Variants in NOTCH2 observed in about 807,000 individuals in gnomAD.
NOTCH2 encodes notch receptor 2, also known as neurogenic locus notch homolog protein 2.
Under a neutral mutation model 235.8 loss-of-function variants are expected in NOTCH2, and 29 were observed. The observed-to-expected ratio is 0.12, with a 90% CI of 0.09 to 0.17. The LOEUF is 0.17. NOTCH2 is among the 10% of genes least tolerant of loss of function. NOTCH2 has a pLI of 1.00. For synonymous variants in NOTCH2, 1,086 were observed against 1,141.5 expected (o/e 0.95, Z 0.98); for missense variants, 2,285 against 3,150.2 (o/e 0.73, Z 6.57).
At chr1:120,065,830 A>G (rs12084158) in intron 1 of NOTCH2, among the ~76,000 whole-genome samples, 24,599 of 151,846 alleles carry the variant, frequency 0.16, 2,287 homozygotes, top group African/African-American at 0.31. Context: ...GTTCAAATTT[A>G]GGCATTCGAA....
At chr1:119,980,236 C>T (rs782015518) in intron 5 of NOTCH2, among the ~76,000 whole-genome samples, 6 of 152,208 alleles carry the variant, frequency 3.9e-5, no homozygotes, top group African/African-American at 1.4e-4. Flanking sequence ...GGTACTTCCA[C>T]TCTCTGACTA....
chr1:120,069,465 G>A lies in NOTCH2; in HGVS notation c.-59C>T, dbSNP rs1215026264. On this transcript the variant is annotated 5_prime_UTR_variant, in exon 1 of 34. Coordinates refer to ENST00000256646, the MANE Select transcript of NOTCH2 (RefSeq NM_024408.4). Reference sequence around the variant, plus strand: ...CGCCGCCTGGGCAGATCCACATGGGGAGGGGGTCCCGATAGAGGAGCCCCA... The same window carrying A: ...CGCCGCCTGGGCAGATCCACATGGGAAGGGGGTCCCGATAGAGGAGCCCCA... 4.0e-6 allele frequency: 6 copies of A among 1,511,724 alleles called. No homozygotes were observed. In the South Asian group the frequency reaches 4.8e-5, roughly 12 times the overall value. 93.6% of individuals were successfully genotyped at this position (1,511,724 alleles called of 1,614,324 possible). A position where few individuals can be genotyped will look rare whatever the true frequency, so the allele number is the denominator to read the frequency against.
At chr1:119,988,830 A>G (rs1652119162) in intron 4 of NOTCH2, among the ~76,000 whole-genome samples, 1 of 152,212 alleles carries the variant, frequency 6.6e-6, no homozygotes, top group Non-Finnish European at 1.5e-5. Flanking sequence ...CTAGGGTGTC[A>G]GGGAGGTAGC....
rs1649566553 is a variant in NOTCH2 at position 119,929,055 on chromosome 1, G to A, written c.3813C>T (p.Asn1271=). Residue 1271 remains asparagine, a synonymous_variant, in exon 23 of 34, where the codon AAC becomes AAT. Coordinates refer to ENST00000256646, the MANE Select transcript of NOTCH2 (RefSeq NM_024408.4). ...CCAGGCTGCCCTCAGAGCTGCAGGGGTTGGAGAGGCACTCGTTGATGTCTC... is the reference window on the plus strand; with the variant it reads ...CCAGGCTGCCCTCAGAGCTGCAGGGATTGGAGAGGCACTCGTTGATGTCTC... The part of the protein sequence containing the change: ...CEGDINECLS[N]PCSSEGSLDC... The A allele has an allele frequency of 1.9e-6, 3 of 1,614,144 alleles. No individual in the cohort carries two copies. The highest frequency in any genetic ancestry group is 2.5e-6 in the Non-Finnish European group (3 of 1,180,040).
intron 31 of NOTCH2, among the ~76,000 whole-genome samples, chr1:119,919,005 C>G (rs181364069): frequency 1.3e-5 from 2 of 152,146 alleles, no homozygotes; most frequent in Admixed American, 1.3e-4. Context: ...TCAAAGGCTC[C>G]GGACCAGCTA....
At chr1:119,982,395 C>T (rs2101174231) in intron 5 of NOTCH2, among the ~76,000 whole-genome samples, 1 of 152,234 alleles carries the variant, frequency 6.6e-6, no homozygotes, top group Non-Finnish European at 1.5e-5. Flanking sequence ...CAAAAGCAGC[C>T]ACAGAGAGGA....
At chr1:119,933,380 C>T (rs1350586794) in intron 22 of NOTCH2, among the ~76,000 whole-genome samples, 2 of 151,488 alleles carry the variant, frequency 1.3e-5, no homozygotes, top group Non-Finnish European at 2.9e-5. Context: ...GAAGTTAAGT[C>T]AGGATAAAAA....
intron 28 of NOTCH2, 39 bp from the exon 29 acceptor site, chr1:119,921,848 C>T (rs773712763): frequency 2.6e-6 from 4 of 1,510,396 alleles, no homozygotes; most frequent in Non-Finnish European, 2.8e-6. Context: ...GAATGGCAGT[C>T]ATAAACTAAT....
intron 22 of NOTCH2, among the ~76,000 whole-genome samples, chr1:119,930,676 G>C (rs1649621538): frequency 1.3e-5 from 2 of 152,112 alleles, no homozygotes; most frequent in South Asian, 4.2e-4. Context: ...CTACTTGGGA[G>C]GCTGAGGCAG....
intron 31 of NOTCH2, among the ~76,000 whole-genome samples, 169 bp from the exon 32 acceptor site, chr1:119,918,722 T>C (rs1649170626): frequency 6.6e-6 from 1 of 152,238 alleles, no homozygotes; most frequent in Non-Finnish European, 1.5e-5. Context: ...AATCAATAAA[T>C]ATTTGTTGCA....
At chr1:120,066,397 C>G (rs1382656987) in intron 1 of NOTCH2, among the ~76,000 whole-genome samples, 1 of 146,816 alleles carries the variant, frequency 6.8e-6, no homozygotes, top group African/African-American at 2.6e-5. Context: ...GTGCTGAGTC[C>G]AAGATCCACC....
Position 119,987,440 on chromosome 1 carries a change from A to C in NOTCH2, c.752-358T>G, listed in dbSNP as rs138563466. Among the ~76,000 whole-genome samples, 83 of 152,324 alleles carry C rather than the reference A, an allele frequency of 5.4e-4. 1 individual carries two copies. In the East Asian group the frequency reaches 0.014, roughly 26 times the overall value. ...TGGATTTTCCCCAGCTCCATACCAG[A>C]CTAATGGGAAGAACAGATAAAATAT... is the stretch of plus-strand genomic sequence containing the variant. On this transcript the variant is annotated intron_variant, in intron 4 of 33. Transcript: ENST00000256646.
At chr1:119,932,607 A>ATATCTATT (rs1553195298) in intron 22 of NOTCH2, among the ~76,000 whole-genome samples, 24 of 148,344 alleles carry the variant, frequency 1.6e-4, no homozygotes, top group African/African-American at 6.0e-4. Context: ...AAACAAACAA[A>ATATCTATT]TATCTATCTA....
intron 2 of NOTCH2, among the ~76,000 whole-genome samples, chr1:120,006,401 G>A (rs1652978102): frequency 6.7e-6 from 1 of 150,238 alleles, no homozygotes; most frequent in South Asian, 2.1e-4. Context: ...TCCACATTGA[G>A]GCACTGAGGA....
chr1:119,984,542 C>A (rs1425811634), intron 5 of NOTCH2, among the ~76,000 whole-genome samples: 1 of 152,178 alleles, frequency 6.6e-6, no homozygotes, highest in Non-Finnish European at 1.5e-5. Context: ...CCATTCACTT[C>A]TTTAATTTGT....
intron 22 of NOTCH2, among the ~76,000 whole-genome samples, chr1:119,934,961 T>C (rs978840197): frequency 2.6e-5 from 4 of 152,168 alleles, no homozygotes; most frequent in Admixed American, 6.5e-5. Context: ...CAGGGTTGCA[T>C]CTCTCATCAG....
intron 17 of NOTCH2, among the ~76,000 whole-genome samples, chr1:119,945,819 T>C (rs1426482598): frequency 1.3e-5 from 2 of 152,086 alleles, no homozygotes; most frequent in Middle Eastern, 3.2e-3. Context: ...CTCCTTATTA[T>C]ATTCTATGAA....
At chr1:120,068,913 C>A in intron 1 of NOTCH2, 1 of 812,906 alleles carries the variant, frequency 1.2e-6, no homozygotes, top group South Asian at 1.5e-5. Flanking sequence ...GCGGCCCTGC[C>A]CCCGCTCTCC....
Position 119,914,221 on chromosome 1 carries a change from A to C in NOTCH2, c.*1085T>G, listed in dbSNP as rs1261637403. The C allele has an allele frequency of 1.3e-5, 3 of 233,152 alleles. No homozygotes were observed. The highest frequency in any genetic ancestry group is 5.6e-5 in the Admixed American group (1 of 17,788). 14.4% of individuals were successfully genotyped at this position (233,152 alleles called of 1,614,324 possible). A position where few individuals can be genotyped will look rare whatever the true frequency, so the allele number is the denominator to read the frequency against. ...CTGGGTGAGTGAGTGAAACAGGCCTAGAATGCTCAGATCTGGGACAAATGT... is the reference window on the plus strand; with the variant it reads ...CTGGGTGAGTGAGTGAAACAGGCCTCGAATGCTCAGATCTGGGACAAATGT... On this transcript the variant is annotated 3_prime_UTR_variant, in exon 34 of 34. Transcript: ENST00000256646.
Sources: allele counts gnomAD v4.1 joint callset (sites outside exome capture counted in the v4.1 genomes callset), GRCh38; gene constraint gnomAD v4.1.1; transcripts MANE v1.5; gene names NCBI Gene and HGNC (gene_info 2026-07-23, HGNC 2026-07-21).